The following NFAT5 variants were observed in gnomAD, a reference collection of about 807,000 sequenced individuals.
NFAT5 encodes nuclear factor of activated T cells 5.
A neutral mutation model predicts 166.5 loss-of-function variants in NFAT5; 31 were observed. That is an observed-to-expected ratio of 0.19 (90% confidence interval 0.14 to 0.25). The LOEUF is 0.25. Ranked by LOEUF, NFAT5 falls within the 10% of genes least tolerant of loss-of-function variation. The pLI, the probability that NFAT5 is intolerant of heterozygous loss-of-function variation, is 1.00. For synonymous variants in NFAT5, 612 were observed against 639.7 expected (o/e 0.96, Z 0.65); for missense variants, 1,449 against 1,821.8 (o/e 0.80, Z 3.72).
intron 3 of NFAT5, among the ~76,000 whole-genome samples, chr16:69,637,143 T>C (rs1215253547): frequency 6.6e-6 from 1 of 152,202 alleles, no homozygotes; most frequent in African/African-American, 2.4e-5. Context: ...TGCCGGTCTC[T>C]TTGCTAAAAC....
At chr16:69,616,440 C>G (rs1376531563) in intron 2 of NFAT5, among the ~76,000 whole-genome samples, 9 of 152,030 alleles carry the variant, frequency 5.9e-5, no homozygotes, top group Non-Finnish European at 1.3e-4. Flanking sequence ...GCATTTTATC[C>G]TGGGCTCTCC....
chr16:69,663,840 G>C (rs1318932553), intron 7 of NFAT5, among the ~76,000 whole-genome samples: 3 of 152,054 alleles, frequency 2.0e-5, no homozygotes, highest in African/African-American at 7.2e-5. Flanking sequence ...TGGCACCACT[G>C]CACTCCAGCC....
chr16:69,660,785 T>A (rs889106130), intron 7 of NFAT5, among the ~76,000 whole-genome samples: 39 of 146,444 alleles, frequency 2.7e-4, no homozygotes, highest in Non-Finnish European at 7.4e-5. Flanking sequence ...ATAGGAAAAA[T>A]TTTCCTTTTC....
At position 69,693,530 on chromosome 16, in the gene NFAT5, C is replaced by T. The variant is rs1177320299; in HGVS notation, c.3705C>T (p.Ser1235=). The T allele has an allele frequency of 5.6e-6, 9 of 1,614,026 alleles. No homozygotes were observed. The highest frequency in any genetic ancestry group is 1.7e-5 in the Admixed American group (1 of 59,994). Residue 1235 remains serine (S), a synonymous_variant, in exon 13 of 15, where the codon TCC becomes TCT. Coordinates refer to ENST00000349945, the MANE Select transcript of NFAT5 (RefSeq NM_138713.4). Reference sequence around the variant, plus strand: ...TTCAGCCTCAGGTGGCCCTGGGCTCCCTTCCACCTAATCCAATGCCTCAAA... The same window carrying T: ...TTCAGCCTCAGGTGGCCCTGGGCTCTCTTCCACCTAATCCAATGCCTCAAA... The part of the protein sequence containing the change: ...GLFQPQVALG[S]LPPNPMPQSQ...
Position 69,675,259 on chromosome 16 carries a change from A to G in NFAT5, c.1558-1944A>G, listed in dbSNP as rs570124765. Among the ~76,000 whole-genome samples, 4 of 152,366 alleles carry G rather than the reference A, an allele frequency of 2.6e-5. No individual in the cohort carries two copies. The East Asian group carries it at 7.7e-4, about 29-fold the overall frequency. On this transcript the variant is annotated intron_variant, in intron 9 of 14. Transcript: ENST00000349945. ...GTCCTGTTACTAATTGCCAAGAAAC[A>G]AGTTTTTATTCAAAAGAATAGTTTG...
chr16:69,635,013 T>G (rs2060809170), intron 3 of NFAT5, among the ~76,000 whole-genome samples: 1 of 149,392 alleles, frequency 6.7e-6, no homozygotes, highest in Non-Finnish European at 1.5e-5. Flanking sequence ...TAACCTCCTT[T>G]GTTAGTAAAG....
rs751419998 is a variant in NFAT5, at chr16:69,694,207, C to T, written c.4382C>T (p.Thr1461Ile). The change falls in exon 13 of 15, where the codon ACA becomes ATA. Residue 1461 changes from threonine (T) to isoleucine (I), a missense_variant. Physicochemically the swap from Thr to Ile is moderately conservative, Grantham distance 89 (BLOSUM62 -1). Transcript: ENST00000349945. ...LQNSPGSSQQ[T>I]SGMFLFGIQN... ...AATTCTCCTGGCTCATCTCAGCAGA[C>T]ATCAGGAATGTTCTTATTTGGCATT... The T allele has an allele frequency of 5.0e-6, 8 of 1,612,396 alleles. No homozygotes were observed. The South Asian group carries it at 8.8e-5, about 18-fold the overall frequency.
chr16:69,640,902 C>T (rs60010276), intron 3 of NFAT5, among the ~76,000 whole-genome samples: 39,073 of 150,980 alleles, frequency 0.26, 5,490 homozygotes, highest in East Asian at 0.45. Flanking sequence ...AATCGCTTGA[C>T]TCTGGGAGGT....
intron 3 of NFAT5, among the ~76,000 whole-genome samples, chr16:69,635,431 C>G (rs1183801771): frequency 6.6e-6 from 1 of 152,094 alleles, no homozygotes; most frequent in East Asian, 1.9e-4. Context: ...GTTTCGCACA[C>G]CAGTCAAGAT....
At chr16:69,672,673 A>T (rs1272351549) in intron 9 of NFAT5, among the ~76,000 whole-genome samples, 1 of 152,222 alleles carries the variant, frequency 6.6e-6, no homozygotes, top group Non-Finnish European at 1.5e-5. Context: ...CTTTCCGAGG[A>T]TACTTCAAAC....
chr16:69,598,334 C>A (rs957467908), intron 2 of NFAT5, among the ~76,000 whole-genome samples: 4 of 148,314 alleles, frequency 2.7e-5, no homozygotes, highest in African/African-American at 1.0e-4. Context: ...GCCATGATTG[C>A]ACCACTGCAC....
intron 2 of NFAT5, among the ~76,000 whole-genome samples, chr16:69,577,265 T>G (rs1166230903): frequency 1.3e-5 from 2 of 152,160 alleles, no homozygotes; most frequent in Non-Finnish European, 2.9e-5. Context: ...AGTTTAGAAG[T>G]TAACCCTCCC....
rs376277803 is a variant in NFAT5 at position 69,660,933 on chromosome 16, C to G, written c.1369+1034C>G. ...AAGCGATTCTCCTGCCTCAGCCTCCCGAGTAGCTGGGATTACAGGTGTGTG... is the reference window on the plus strand; with the variant it reads ...AAGCGATTCTCCTGCCTCAGCCTCCGGAGTAGCTGGGATTACAGGTGTGTG... On this transcript the variant is annotated intron_variant, in intron 7 of 14. Transcript: ENST00000349945. Among the ~76,000 whole-genome samples, 143 of 151,922 alleles carry G rather than the reference C, an allele frequency of 9.4e-4. No homozygotes were observed. In the Middle Eastern group the frequency reaches 0.014, roughly 15 times the overall value.
chr16:69,630,338 TG>T (rs1245640451), intron 3 of NFAT5, among the ~76,000 whole-genome samples: 2 of 152,022 alleles, frequency 1.3e-5, no homozygotes, highest in Non-Finnish European at 2.9e-5. Flanking sequence ...GGCCCTGGAT[TG>T]TTTTTTTAAT....
intron 9 of NFAT5, among the ~76,000 whole-genome samples, chr16:69,675,938 G>T (rs563633479): frequency 1.3e-5 from 2 of 152,268 alleles, no homozygotes; most frequent in African/African-American, 2.4e-5. Context: ...ACCATGCCTG[G>T]CCTAGTTCTT....
chr16:69,682,591 C>T (rs556108270), intron 10 of NFAT5, among the ~76,000 whole-genome samples: 66 of 152,086 alleles, frequency 4.3e-4, no homozygotes, highest in African/African-American at 1.5e-3. Flanking sequence ...TGTACTCCAG[C>T]CTGGACAACA....
chr16:69,567,847 A>C (rs866157854), intron 1 of NFAT5, among the ~76,000 whole-genome samples: 3 of 152,354 alleles, frequency 2.0e-5, no homozygotes, highest in Middle Eastern at 6.8e-3. Context: ...GTTAGAATTG[A>C]GTGCTAAAAA....
intron 12 of NFAT5, 29 bp from the exon 13 acceptor site, chr16:69,691,720 C>T: frequency 6.5e-7 from 1 of 1,542,058 alleles, no homozygotes; most frequent in African/African-American, 1.4e-5. Flanking sequence ...TTTATATATT[C>T]ATAATATTTG....
chr16:69,633,965 T>C (rs1348112750), intron 3 of NFAT5, among the ~76,000 whole-genome samples: 1 of 151,884 alleles, frequency 6.6e-6, no homozygotes. Context: ...ATTTGTTAAT[T>C]AAAAAAATAA....
Sources: gnomAD v4.1 joint callset for allele counts (sites outside exome capture counted in the v4.1 genomes callset) on GRCh38, gnomAD v4.1.1 for gene constraint, MANE v1.5 for transcripts, NCBI Gene and HGNC (gene_info 2026-07-23, HGNC 2026-07-21) for gene names.